The following ACCSL variants were observed in gnomAD, a reference collection of about 807,000 sequenced individuals.
ACCSL encodes the protein 1-aminocyclopropane-1-carboxylate synthase homolog (inactive) like.
In ACCSL, 55 loss-of-function variants were observed where a neutral mutation model predicts 61.7. That is an observed-to-expected ratio of 0.89 (90% CI 0.72 to 1.12). The LOEUF (loss-of-function observed/expected upper bound fraction) is 1.12, where lower values mean the gene tolerates loss of function less well. Ranked by LOEUF, ACCSL falls within the 50% of genes most tolerant of loss-of-function variation. The pLI is 0.00. For missense variants in ACCSL, 632 were observed against 698.0 expected (o/e 0.91, Z 1.07); for synonymous variants, 258 against 264.3 (o/e 0.98, Z 0.23).
At chr11:44,042,465 A>G in the ACCSL span, among the ~76,000 whole-genome samples, 2 of 152,214 alleles carry the variant, frequency 1.3e-5, no homozygotes, top group South Asian at 2.1e-4. Context: ...ATTTCTGTGT[A>G]CATGCTTTCT....
rs548571995 is a variant in ACCSL, at chr11:44,048,325, C to T, written c.289C>T (p.Pro97Ser). ...ASGLELQVPL[P>S]SEDSRGDVRY... is the part of the protein sequence containing the mutation. ...TGGCCTGGAGCTCCAAGTGCCTCTTCCTTCTGAGGACTCTAGGGGTGATGT... is the reference window on the plus strand; with the variant it reads ...TGGCCTGGAGCTCCAAGTGCCTCTTTCTTCTGAGGACTCTAGGGGTGATGT... The change falls in exon 1 of 14, where the codon CCT becomes TCT. Residue 97 changes from proline to serine, a missense_variant. Pro to Ser is a moderately conservative substitution (Grantham distance 74). Transcript: ENST00000378832. 3.1e-6 allele frequency: 5 copies of T among 1,614,058 alleles called. No individual in the cohort carries two copies. The East Asian group carries it at 6.7e-5, about 22-fold the overall frequency.
chr11:43,981,850 C>T, the ACCSL span, among the ~76,000 whole-genome samples: 1 of 152,222 alleles, frequency 6.6e-6, no homozygotes, highest in Non-Finnish European at 1.5e-5. Flanking sequence ...CTCTGCTCCC[C>T]TCTCCCCGCC....
the ACCSL span, among the ~76,000 whole-genome samples, chr11:43,960,251 C>T: frequency 1.3e-5 from 2 of 152,218 alleles, no homozygotes; most frequent in Admixed American, 6.5e-5. Flanking sequence ...CCATGGAATG[C>T]CAACCCCATA....
the ACCSL span, among the ~76,000 whole-genome samples, chr11:43,987,432 G>C: frequency 6.6e-6 from 1 of 152,200 alleles, no homozygotes; most frequent in Non-Finnish European, 1.5e-5. Context: ...GGTGTGGCGG[G>C]GGACGGGGCT....
chr11:43,979,532 G>A, the ACCSL span, among the ~76,000 whole-genome samples: 2 of 152,118 alleles, frequency 1.3e-5, no homozygotes, highest in Non-Finnish European at 1.5e-5. Context: ...ACATATCGAT[G>A]TAAAGTGGGC....
chr11:44,001,380 A>G, the ACCSL span, among the ~76,000 whole-genome samples: 2 of 151,894 alleles, frequency 1.3e-5, no homozygotes, highest in Non-Finnish European at 2.9e-5. Context: ...AGTCTTTTCT[A>G]GCCATTTCTG....
At chr11:43,967,807 AG>A in the ACCSL span, among the ~76,000 whole-genome samples, 31 of 152,312 alleles carry the variant, frequency 2.0e-4, no homozygotes, top group African/African-American at 7.2e-4. Context: ...TATTGGTAGA[AG>A]TTTCTTTCAG....
chr11:43,990,337 G>A, the ACCSL span, among the ~76,000 whole-genome samples: 1,664 of 152,274 alleles, frequency 0.011, 35 homozygotes, highest in African/African-American at 0.038. Flanking sequence ...TGGAGGCTGG[G>A]AAGTCCAACA....
At chr11:43,984,452 A>G in the ACCSL span, among the ~76,000 whole-genome samples, 1 of 152,136 alleles carries the variant, frequency 6.6e-6, no homozygotes, top group South Asian at 2.1e-4. Context: ...TGAATGGACT[A>G]TGGGATCACA....
At chr11:43,960,301 CT>C in the ACCSL span, among the ~76,000 whole-genome samples, 2 of 152,134 alleles carry the variant, frequency 1.3e-5, no homozygotes, top group Non-Finnish European at 2.9e-5. Flanking sequence ...TGGGCCATTC[CT>C]TTTTCCTTTA....
At chr11:43,992,291 G>A in the ACCSL span, among the ~76,000 whole-genome samples, 3 of 151,888 alleles carry the variant, frequency 2.0e-5, no homozygotes, top group Non-Finnish European at 4.4e-5. Context: ...GAGCTCAGGC[G>A]ATCCCCGCCT....
the ACCSL span, among the ~76,000 whole-genome samples, chr11:43,999,635 C>A: frequency 0.43 from 64,842 of 151,932 alleles, 14,484 homozygotes; most frequent in Middle Eastern, 0.55. Context: ...GATACGCCTT[C>A]TTTGCTGTAT....
the ACCSL span, among the ~76,000 whole-genome samples, chr11:43,952,870 T>C: frequency 1.3e-5 from 2 of 152,122 alleles, no homozygotes; most frequent in Non-Finnish European, 2.9e-5. Context: ...CCACACAGGA[T>C]GATGGGAAAA....
At chr11:43,987,083 C>A in the ACCSL span, among the ~76,000 whole-genome samples, 21,118 of 152,228 alleles carry the variant, frequency 0.14, 1,568 homozygotes, top group Non-Finnish European at 0.17. Flanking sequence ...ACCTGCCCCC[C>A]ACCCCCGAGT....
chr11:43,983,382 G>T, the ACCSL span, among the ~76,000 whole-genome samples: 23 of 152,286 alleles, frequency 1.5e-4, no homozygotes, highest in Non-Finnish European at 2.8e-4. Context: ...AATATTTACT[G>T]AGCACCTACT....
the ACCSL span, among the ~76,000 whole-genome samples, chr11:43,961,808 CTATA>C: frequency 6.6e-6 from 1 of 152,054 alleles, no homozygotes; most frequent in Admixed American, 6.6e-5. Flanking sequence ...CACACTTCAG[CTATA>C]ACAGGAAATA....
the ACCSL span, among the ~76,000 whole-genome samples, chr11:43,978,553 C>G: frequency 0.033 from 5,071 of 152,244 alleles, 304 homozygotes; most frequent in African/African-American, 0.12. Context: ...CGCTCCCTCC[C>G]TGGCTTACCC....
At chr11:43,924,475 G>A in the ACCSL span, among the ~76,000 whole-genome samples, 4 of 152,356 alleles carry the variant, frequency 2.6e-5, no homozygotes, top group Admixed American at 6.5e-5. Flanking sequence ...CCTTGTGACC[G>A]TGTTGTGAGG....
chr11:43,995,020 A>G, the ACCSL span: 1 of 152,178 alleles, frequency 6.6e-6, no homozygotes, highest in Non-Finnish European at 1.5e-5. Flanking sequence ...ATAGGGTGGA[A>G]TATTTTCCCA....
Sources: gnomAD v4.1 joint callset for allele counts (sites outside exome capture counted in the v4.1 genomes callset) on GRCh38, gnomAD v4.1.1 for gene constraint, MANE v1.5 for transcripts, NCBI Gene and HGNC (gene_info 2026-07-23, HGNC 2026-07-21) for gene names.